Variants in ADORA3 observed in about 807,000 individuals in gnomAD.
ADORA3 encodes the protein adenosine A3 receptor, also known as adenosine receptor A3.
In ADORA3, 3 loss-of-function variants were observed where a neutral mutation model predicts 5.7. That is an observed-to-expected ratio of 0.52 (90% CI 0.24 to 1.35). ADORA3 has a LOEUF of 1.35. ADORA3 is among the 40% of genes most tolerant of loss of function. ADORA3 has a pLI of 0.17. For synonymous variants in ADORA3, 168 were observed against 152.3 expected, an observed-to-expected ratio of 1.10 and a Z score of -0.76; for missense variants, 343 against 389.0, an observed-to-expected ratio of 0.88 and a Z score of 0.99.
chr1:111,500,962 C>T, intron 1 of ADORA3: 1 of 246,488 alleles, frequency 4.1e-6, no homozygotes, highest in South Asian at 1.2e-4. Flanking sequence ...GTGAATTCAG[C>T]AGTTTAAGTC....
chr1:111,499,541 G>T lies in ADORA3; in HGVS notation c.*409C>A. The T allele has an allele frequency of 2.0e-6, 2 of 1,005,080 alleles. No individual in the cohort carries two copies. Among genetic ancestry groups the T allele is most frequent in the Non-Finnish European group, 2.4e-6 (2 of 840,656 alleles). 62.3% of individuals were successfully genotyped at this position (1,005,080 alleles called of 1,614,324 possible). The stretch of plus-strand genomic sequence containing the variant: ...TCCCAACATCTCCTAGGCATCCTCC[G>T]AGAGCAGGTTCTCTGCTCAATTCCA... On this transcript the variant is annotated 3_prime_UTR_variant, in exon 2 of 2. Transcript: ENST00000241356.
At chr1:111,502,073 ATAT>A (rs1655213376) in intron 1 of ADORA3, among the ~76,000 whole-genome samples, 1 of 135,352 alleles carries the variant, frequency 7.4e-6, no homozygotes, top group Admixed American at 8.3e-5. Context: ...TAGGATATAT[ATAT>A]TATAATAAAT....
intron 1 of ADORA3, among the ~76,000 whole-genome samples, chr1:111,502,186 T>C (rs1655239628): frequency 3.5e-5 from 2 of 56,920 alleles, no homozygotes; most frequent in African/African-American, 6.9e-5. Flanking sequence ...ATATATAGGA[T>C]ATATATATTA....
At position 111,500,033 on chromosome 1, in the gene ADORA3, T is replaced by C. The variant is rs1434703807; in HGVS notation, c.874A>G (p.Thr292Ala). ...CAAGCTTTGAGGATCAAAAGGTAGG[T>C]TTCCTTGAACTTCTTTATTTTATAG... is the stretch of plus-strand genomic sequence containing the variant. ...YAYKIKKFKE[T>A]YLLILKACVV... Residue 292 changes from threonine to alanine, a missense_variant, in exon 2 of 2, where the codon ACC (threonine) becomes GCC (alanine). Coordinates refer to ENST00000241356, the MANE Select transcript of ADORA3 (RefSeq NM_000677.4). 1 of 1,614,200 alleles carries C rather than the reference T, an allele frequency of 6.2e-7. No individual in the cohort carries two copies. The highest frequency in any genetic ancestry group is 8.5e-7 in the Non-Finnish European group (1 of 1,180,032).
At chr1:111,500,801 T>A in intron 1 of ADORA3, 1 of 549,660 alleles carries the variant, frequency 1.8e-6, no homozygotes, top group Non-Finnish European at 3.2e-6. Flanking sequence ...TGGGGACTTT[T>A]CTAAAGAAGA....
Position 111,500,696 on chromosome 1 carries a change from A to T in ADORA3, c.351-140T>A. ...CTCCAATCTTCTGCTAAGAGAGGGC[A>T]GCATTGATATCCTATGGTGATTCCA... is the stretch of plus-strand genomic sequence containing the variant. On this transcript the variant is annotated intron_variant, in intron 1 of 1. Transcript: ENST00000241356. 3 of 822,480 alleles carry T rather than the reference A, an allele frequency of 3.6e-6. No homozygotes were observed. The South Asian group carries it at 5.0e-5, about 14-fold the overall frequency. The allele number at this position is 822,480 out of a possible 1,614,324, so 50.9% of individuals were successfully genotyped here. A position where few individuals can be genotyped will look rare whatever the true frequency, so the allele number is the denominator to read the frequency against.
At chr1:111,502,148 TATATAGGATATATATTTATTATAATAA>T (rs1655232151) in intron 1 of ADORA3, among the ~76,000 whole-genome samples, 2 of 88,924 alleles carry the variant, frequency 2.2e-5, no homozygotes, top group Non-Finnish European at 4.1e-5. Flanking sequence ...ATATAATAAA[TATATAGGATATATATTTATTATAATAA>T]ATATATAGGA....
In ADORA3 at chr1:111,500,691, A is replaced by G. The variant is rs2100978297; in HGVS notation, c.351-135T>C. ...TAATTCTCCAATCTTCTGCTAAGAG[A>G]GGGCAGCATTGATATCCTATGGTGA... is the stretch of plus-strand genomic sequence containing the variant. On this transcript the variant is annotated intron_variant, in intron 1 of 1. Coordinates refer to ENST00000241356, the MANE Select transcript of ADORA3 (RefSeq NM_000677.4). 5 of 876,464 alleles carry G rather than the reference A, an allele frequency of 5.7e-6. No homozygotes were observed. In the South Asian group the frequency reaches 6.5e-5, roughly 11 times the overall value. 54.3% of individuals were successfully genotyped at this position (876,464 alleles called of 1,614,324 possible). A position where few individuals can be genotyped will look rare whatever the true frequency, so the allele number is the denominator to read the frequency against.
In ADORA3 at chr1:111,501,413, T is replaced by A. The variant is rs1655166967; in HGVS notation, c.351-857A>T. 2.0e-5 allele frequency: 3 copies of A among 152,208 alleles called. No individual in the cohort carries two copies. The South Asian group carries it at 6.2e-4, about 31-fold the overall frequency. 9.4% of individuals were successfully genotyped at this position (152,208 alleles called of 1,614,324 possible). ...ATAGTTAAGTATCAGTAGATTTTTA[T>A]CTCAATTAAATCTCACAACAAACAG... is the stretch of plus-strand genomic sequence containing the variant. On this transcript the variant is annotated intron_variant, in intron 1 of 1. Transcript: ENST00000241356.
Position 111,500,501 on chromosome 1 carries a change from G to T in ADORA3, c.406C>A (p.Leu136Met), listed in dbSNP as rs892388188. 3.1e-6 allele frequency: 5 copies of T among 1,614,106 alleles called. No homozygotes were observed. Among genetic ancestry groups the T allele is most frequent in the Non-Finnish European group, 4.2e-6 (5 of 1,180,042 alleles). ...GTCAATCCCACCAGGAATGACACCAGCCAGCAAAGGCCCAGGGCCAGCCAT... is the reference window on the plus strand; with the variant it reads ...GTCAATCCCACCAGGAATGACACCATCCAGCAAAGGCCCAGGGCCAGCCAT... ...RIWLALGLCWLVSFLVGLTPM... is the reference protein window; with the variant it reads ...RIWLALGLCWMVSFLVGLTPM... Residue 136 changes from leucine (L) to methionine (M), a missense_variant, in exon 2 of 2, where the codon CTG (leucine) becomes ATG (methionine). Transcript: ENST00000241356.
chr1:111,501,701 A>T (rs1571414330), intron 1 of ADORA3, among the ~76,000 whole-genome samples: 3 of 152,164 alleles, frequency 2.0e-5, no homozygotes, highest in Non-Finnish European at 2.9e-5. Flanking sequence ...GAGCATCGTA[A>T]CCACTGTGAT....
Position 111,503,311 on chromosome 1 carries a change from T to C in ADORA3, c.44A>G (p.Tyr15Cys), listed in dbSNP as rs1655350556. Residue 15 changes from tyrosine to cysteine, a missense_variant, in exon 1 of 2, where the codon TAC becomes TGC. By Grantham distance (194) the Tyr-to-Cys change is radical. Transcript: ENST00000241356. Reference protein sequence around the residue: ...STALSLANVTYITMEIFIGLC... With the variant: ...STALSLANVTCITMEIFIGLC... ...TCCAATGAAAATTTCCATGGTGATG[T>C]AGGTAACATTGGCCAATGACAGAGC... The C allele has an allele frequency of 6.2e-7, 1 of 1,613,930 alleles. No individual in the cohort carries two copies. The highest frequency in any genetic ancestry group is 1.7e-5 in the Admixed American group (1 of 59,990).
In ADORA3 at chr1:111,499,804, T is replaced by G; in HGVS notation, c.*146A>C. Reference sequence around the variant, plus strand: ...GAAGAGAGTAGTGGAGTGGGGGAGATATAATTGGGGAGCACTGGAGATGCT... The same window carrying G: ...GAAGAGAGTAGTGGAGTGGGGGAGAGATAATTGGGGAGCACTGGAGATGCT... On this transcript the variant is annotated 3_prime_UTR_variant, in exon 2 of 2. Transcript: ENST00000241356. 6.8e-7 allele frequency: 1 copy of G among 1,479,674 alleles called. No homozygotes were observed. Among genetic ancestry groups the G allele is most frequent in the South Asian group, 1.4e-5 (1 of 70,552 alleles). 91.7% of individuals were successfully genotyped at this position (1,479,674 alleles called of 1,614,324 possible).
rs1008818063 is a variant in ADORA3 at position 111,499,518 on chromosome 1, C to A, written c.*432G>T. The stretch of plus-strand genomic sequence containing the variant: ...TAAACTCAGTTTATTTTTTCTGTTC[C>A]CAACATCTCCTAGGCATCCTCCGAG... On this transcript the variant is annotated 3_prime_UTR_variant, in exon 2 of 2. Transcript: ENST00000241356. The A allele has an allele frequency of 1.1e-4, 106 of 997,620 alleles. No individual in the cohort carries two copies. The highest frequency in any genetic ancestry group is 5.1e-4 in the Middle Eastern group (1 of 1,946). The allele number at this position is 997,620 out of a possible 1,614,324, so 61.8% of individuals were successfully genotyped here. A position where few individuals can be genotyped will look rare whatever the true frequency, so the allele number is the denominator to read the frequency against.
rs956571535 is a variant in ADORA3, at chr1:111,500,184, C to G, written c.723G>C (p.Leu241=). Residue 241 remains leucine (L), a synonymous_variant, in exon 2 of 2, where the codon CTG becomes CTC. Coordinates refer to ENST00000241356, the MANE Select transcript of ADORA3 (RefSeq NM_000677.4). ...SLFLVLFLFA[L]SWLPLSIINC... is the part of the protein sequence containing the mutation. ...TGATGATAGATAAAGGCAGCCATGA[C>G]AGAGCAAACAAGAAAAGAACCAGAA... is the stretch of plus-strand genomic sequence containing the variant. 6.2e-7 allele frequency: 1 copy of G among 1,614,134 alleles called. No individual in the cohort carries two copies. The highest frequency in any genetic ancestry group is 8.5e-7 in the Non-Finnish European group (1 of 1,180,030).
At chr1:111,502,430 C>A (rs34457698) in intron 1 of ADORA3, among the ~76,000 whole-genome samples, 2 of 116,886 alleles carry the variant, frequency 1.7e-5, no homozygotes, top group African/African-American at 3.1e-5. Context: ...ATATAGGATA[C>A]ATATATTTAT....
chr1:111,502,939 G>C (rs1655317317), intron 1 of ADORA3, 66 bp downstream of exon 1: 1 of 1,577,048 alleles, frequency 6.3e-7, no homozygotes, highest in Admixed American at 1.7e-5. Context: ...AAAAGTCTGG[G>C]CTCTGGGCTT....
Position 111,500,430 on chromosome 1 carries a change from T to G in ADORA3, c.477A>C (p.Arg159Ser), listed in dbSNP as rs1216317242. 2 of 1,614,088 alleles carry G rather than the reference T, an allele frequency of 1.2e-6. No individual in the cohort carries two copies. Among genetic ancestry groups the G allele is most frequent in the Non-Finnish European group, 1.7e-6 (2 of 1,180,036 alleles). Residue 159 changes from arginine (R) to serine (S), a missense_variant, in exon 2 of 2, where the codon AGA becomes AGC. By Grantham distance (110) the Arg-to-Ser change is moderately radical (BLOSUM62 -1). Coordinates refer to ENST00000241356, the MANE Select transcript of ADORA3 (RefSeq NM_000677.4). Reference sequence around the variant, plus strand: ...ATTGGCATGAAAGGAAGGTGACATTTCTGTGGTACTCTGAGGTCAGTTTCA... The same window carrying G: ...ATTGGCATGAAAGGAAGGTGACATTGCTGTGGTACTCTGAGGTCAGTTTCA... Reference protein sequence around the residue: ...WNMKLTSEYHRNVTFLSCQFV... With the variant: ...WNMKLTSEYHSNVTFLSCQFV...
chr1:111,502,882 T>A (rs1655313725), intron 1 of ADORA3, 123 bp downstream of exon 1: 1 of 1,226,552 alleles, frequency 8.2e-7, no homozygotes, highest in African/African-American at 1.5e-5. Flanking sequence ...AAGACACTTA[T>A]TGCCCTCTTT....
Sources: allele counts gnomAD v4.1 joint callset (sites outside exome capture counted in the v4.1 genomes callset), GRCh38; gene constraint gnomAD v4.1.1; transcripts MANE v1.5; gene names NCBI Gene and HGNC (gene_info 2026-07-23, HGNC 2026-07-21).